Variants in PRH1 observed in about 807,000 individuals in gnomAD.
The protein encoded by PRH1 is salivary acidic proline-rich phosphoprotein 1/2.
PRH1 carries 7 observed loss-of-function variants against 7.9 expected under a neutral mutation model. That is an observed-to-expected ratio of 0.89 (90% CI 0.50 to 1.67). The LOEUF is 1.67. Ranked by LOEUF, PRH1 falls within the 40% of genes most tolerant of loss-of-function variation. PRH1 has a pLI of 0.00. For synonymous variants in PRH1, 45 were observed against 80.8 expected (o/e 0.56, Z 2.38); for missense variants, 109 against 223.6 (o/e 0.49, Z 3.27).
At chr12:11,109,163 C>T (rs1049245420) in intron 1 of PRH1, among the ~76,000 whole-genome samples, 2 of 152,176 alleles carry the variant, frequency 1.3e-5, no homozygotes, top group African/African-American at 4.8e-5. Context: ...AAGGCAGCAG[C>T]CCCAGTCAGG....
chr12:11,077,821 A>G (rs2136224875), intron 1 of PRH1: 1 of 1,076,930 alleles, frequency 9.3e-7, no homozygotes, highest in South Asian at 1.2e-5. Context: ...AAGATTACAA[A>G]TCAAAAATAC....
At chr12:11,092,332 G>C in intron 1 of PRH1, 1 of 629,050 alleles carries the variant, frequency 1.6e-6, no homozygotes, top group Non-Finnish European at 2.7e-6. Context: ...GGGAGCCACT[G>C]ACCTTCACGG....
At chr12:10,910,970 A>G (rs1203008703) in intron 2 of PRH1, among the ~76,000 whole-genome samples, 3 of 152,226 alleles carry the variant, frequency 2.0e-5, no homozygotes, top group Non-Finnish European at 4.4e-5. Context: ...TAAAATAGGT[A>G]GATATTTTCT....
chr12:10,953,451 C>T (rs143339023), intron 2 of PRH1, among the ~76,000 whole-genome samples: 8 of 152,166 alleles, frequency 5.3e-5, no homozygotes, highest in African/African-American at 7.2e-5. Flanking sequence ...CATCACTTCA[C>T]GAATTTTGGA....
intron 1 of PRH1, among the ~76,000 whole-genome samples, chr12:11,141,964 A>AT (rs2136395938): frequency 6.6e-6 from 1 of 151,608 alleles, no homozygotes; most frequent in South Asian, 2.1e-4. Flanking sequence ...ATTTTTTTTT[A>AT]TTTTTTTATA....
At chr12:11,068,132 T>C (rs1943905726) in intron 1 of PRH1, among the ~76,000 whole-genome samples, 1 of 152,144 alleles carries the variant, frequency 6.6e-6, no homozygotes, top group Non-Finnish European at 1.5e-5. Flanking sequence ...TACCACACCT[T>C]GGTCAGAAAA....
chr12:11,021,310 G>A (rs540478790), intron 1 of PRH1, among the ~76,000 whole-genome samples: 1 of 151,886 alleles, frequency 6.6e-6, no homozygotes, highest in Admixed American at 6.6e-5. Context: ...AAATTACAAT[G>A]GAAAAGAGAA....
At chr12:11,010,901 C>T (rs1262743991) in intron 1 of PRH1, among the ~76,000 whole-genome samples, 1 of 151,332 alleles carries the variant, frequency 6.6e-6, no homozygotes, top group East Asian at 1.9e-4. Flanking sequence ...TCTATTTTTT[C>T]TTGAAGTTTC....
rs28607516 is a variant in PRH1, at chr12:10,882,675, G to C, written c.124C>G (p.Leu42Val). 1 of 1,431,358 alleles carries C rather than the reference G, an allele frequency of 7.0e-7. No homozygotes were observed. Among genetic ancestry groups the C allele is most frequent in the South Asian group, 1.3e-5 (1 of 76,450 alleles). The allele number at this position is 1,431,358 out of a possible 1,614,324, so 88.7% of individuals were successfully genotyped here. A position where few individuals can be genotyped will look rare whatever the true frequency, so the allele number is the denominator to read the frequency against. ...ISDGGDSEQF[L>V]DEERQGPPLG... ...GGTGGTCCCTGACGCTCCTCATCTA[G>C]GAACTGCTCAGAGTCTCCTCCATCT... The change falls in exon 3 of 4, where the codon CTA (leucine) becomes GTA (valine). Residue 42 changes from leucine to valine, a missense_variant. Physicochemically the swap from Leu to Val is conservative, Grantham distance 32. This residue lies in a region of PRH1 where 60 missense variants were observed against 76.5 expected (regional missense o/e 0.78). Transcript: ENST00000543626.
chr12:10,996,851 C>T (rs1940270390), intron 1 of PRH1: 2 of 1,277,600 alleles, frequency 1.6e-6, no homozygotes, highest in Admixed American at 2.6e-5. Context: ...TACTCAAATA[C>T]ATAGACTACG....
intron 2 of PRH1, among the ~76,000 whole-genome samples, chr12:10,934,129 A>T (rs1207716564): frequency 6.6e-6 from 1 of 152,178 alleles, no homozygotes; most frequent in Non-Finnish European, 1.5e-5. Context: ...TAGTCTTCGA[A>T]TTTTTAATGC....
intron 2 of PRH1, among the ~76,000 whole-genome samples, chr12:10,903,270 T>C (rs2135813044): frequency 6.6e-6 from 1 of 152,136 alleles, no homozygotes; most frequent in South Asian, 2.1e-4. Flanking sequence ...AGAAAGGCAC[T>C]ACATAATAAT....
intron 1 of PRH1, among the ~76,000 whole-genome samples, chr12:10,990,177 A>G (rs1939863098): frequency 6.6e-6 from 1 of 152,246 alleles, no homozygotes. Flanking sequence ...CCACACCTAT[A>G]GAGAACTCAT....
At position 10,973,654 on chromosome 12, in the gene PRH1, C is replaced by G; in HGVS notation, c.-59+1G>C. 1.3e-6 allele frequency: 1 copy of G among 778,516 alleles called. No individual in the cohort carries two copies. Among genetic ancestry groups the G allele is most frequent in the Non-Finnish European group, 2.4e-6 (1 of 416,894 alleles). 48.2% of individuals were successfully genotyped at this position (778,516 alleles called of 1,614,324 possible). A position where few individuals can be genotyped will look rare whatever the true frequency, so the allele number is the denominator to read the frequency against. On this transcript the variant is annotated splice_donor_variant, in intron 2 of 3. Transcript: ENST00000539853. LOFTEE classifies it low-confidence loss of function (5UTR_SPLICE). ...TGTGTTACTTGATATGTAGAAGTTACCTGTGAAAACTTCCACTCTTGAGTA... is the reference window on the plus strand; with the variant it reads ...TGTGTTACTTGATATGTAGAAGTTAGCTGTGAAAACTTCCACTCTTGAGTA...
At chr12:11,001,909 A>C (rs1940613437) in intron 1 of PRH1, among the ~76,000 whole-genome samples, 2 of 152,026 alleles carry the variant, frequency 1.3e-5, no homozygotes, top group South Asian at 4.1e-4. Flanking sequence ...ATAAAATAAA[A>C]CCTTCACTTT....
chr12:10,942,469 T>C (rs931099421), intron 2 of PRH1, among the ~76,000 whole-genome samples: 1 of 152,106 alleles, frequency 6.6e-6, no homozygotes, highest in Non-Finnish European at 1.5e-5. Flanking sequence ...TGCTGAGTCA[T>C]GCAGGTTGTC....
At chr12:10,929,328 T>G in intron 2 of PRH1, 7 of 1,614,076 alleles carry the variant, frequency 4.3e-6, no homozygotes, top group Non-Finnish European at 5.9e-6. Context: ...AGCTCAGGAC[T>G]TAGATGAAGG....
chr12:11,047,368 T>C (rs1318751898), upstream of PRH1, among the ~76,000 whole-genome samples: 1 of 152,148 alleles, frequency 6.6e-6, no homozygotes, highest in Non-Finnish European at 1.5e-5. Context: ...ATATACCCTG[T>C]TTACATTGAG....
At chr12:11,062,507 T>C (rs376279027) in intron 1 of PRH1, among the ~76,000 whole-genome samples, 3 of 152,116 alleles carry the variant, frequency 2.0e-5, no homozygotes, top group East Asian at 3.9e-4. Context: ...GAAAATATTC[T>C]TATTTTCAAA....
Sources: gnomAD v4.1 joint callset for allele counts (sites outside exome capture counted in the v4.1 genomes callset) on GRCh38, gnomAD v4.1.1 for gene constraint, gnomAD v4.1.1 regional missense constraint, MANE v1.5 for transcripts, NCBI Gene and HGNC (gene_info 2026-07-23, HGNC 2026-07-21) for gene names.